Variants in STAG1 observed in about 807,000 individuals in gnomAD.
STAG1 encodes the protein STAG1 cohesin complex component.
Under a neutral mutation model 170.9 loss-of-function variants are expected in STAG1, and 26 were observed. The observed-to-expected ratio is 0.15, with a 90% confidence interval of 0.11 to 0.21. The LOEUF is 0.21. Among genes scored for constraint, STAG1 ranks in the 10% least tolerant of loss-of-function variants. The probability of loss-of-function intolerance (pLI) is 1.00; values close to 1 mark genes in which losing one functional copy is unlikely to be tolerated. For missense variants in STAG1, 964 were observed against 1,509.5 expected (o/e 0.64, Z 5.99); for synonymous variants, 514 against 497.7 (o/e 1.03, Z -0.44).
At chr3:136,670,401 A>T (rs1941939494) in intron 1 of STAG1, among the ~76,000 whole-genome samples, 1 of 152,230 alleles carries the variant, frequency 6.6e-6, no homozygotes, top group Admixed American at 6.5e-5. Context: ...TTAATTTACC[A>T]CAAAGAAAGT....
intron 10 of STAG1, among the ~76,000 whole-genome samples, 173 bp downstream of exon 10, chr3:136,477,116 A>C (rs113502843): frequency 4.6e-5 from 7 of 152,316 alleles, no homozygotes; most frequent in African/African-American, 1.4e-4. Flanking sequence ...ACCCCTGGGC[A>C]AATGCTTCCA....
chr3:136,584,019 G>A (rs971208379), intron 4 of STAG1, among the ~76,000 whole-genome samples: 1 of 152,134 alleles, frequency 6.6e-6, no homozygotes, highest in Non-Finnish European at 1.5e-5. Flanking sequence ...AACACCAGCT[G>A]GAGAGCCTAT....
intron 27 of STAG1, among the ~76,000 whole-genome samples, chr3:136,358,141 G>A (rs1246342465): frequency 1.3e-5 from 2 of 150,180 alleles, no homozygotes; most frequent in South Asian, 2.1e-4. Context: ...AGGTTGGAGT[G>A]CAGTGGTGCT....
intron 1 of STAG1, chr3:136,736,406 G>A: frequency 1.1e-6 from 1 of 904,768 alleles, no homozygotes; most frequent in Non-Finnish European, 1.8e-6. Flanking sequence ...ACTCTATGTT[G>A]GGGTGGAAGT....
intron 5 of STAG1, among the ~76,000 whole-genome samples, chr3:136,555,105 A>G (rs114554834): frequency 0.096 from 14,251 of 147,726 alleles, 2,203 homozygotes; most frequent in African/African-American, 0.33. Context: ...TTTATAATAT[A>G]TATATTATAA....
At chr3:136,693,632 C>T (rs1192275302) in intron 1 of STAG1, among the ~76,000 whole-genome samples, 1 of 152,040 alleles carries the variant, frequency 6.6e-6, no homozygotes, top group Non-Finnish European at 1.5e-5. Context: ...ACTGGAGGTA[C>T]GTTCACCACT....
chr3:136,370,832 T>G (rs1172319623), intron 23 of STAG1, among the ~76,000 whole-genome samples: 1 of 152,242 alleles, frequency 6.6e-6, no homozygotes, highest in Non-Finnish European at 1.5e-5. Context: ...CGTGTGCGTG[T>G]GTCTTTATAG....
At chr3:136,450,623 A>G (rs753508296) in intron 14 of STAG1, among the ~76,000 whole-genome samples, 4 of 152,222 alleles carry the variant, frequency 2.6e-5, no homozygotes, top group African/African-American at 9.6e-5. Context: ...TTGAGCATTC[A>G]TAGAATCGTT....
In STAG1 at chr3:136,528,502, C is replaced by CGA. The variant is rs796340809; in HGVS notation, c.472-7086_472-7085insTC. On this transcript the variant is annotated intron_variant, in intron 6 of 33. Transcript: ENST00000383202. ...GCAACAGATGTCCCCGCACCCCCCC[C>CGA]CCCAAAAAATCACTAAGTCCTGGAA... 5.0e-3 allele frequency among the ~76,000 whole-genome samples: 721 copies of CGA among 144,428 alleles called. 13 individuals are homozygous for CGA. The highest frequency in any genetic ancestry group is 0.019 in the African/African-American group (686 of 36,846). 94.8% of individuals were successfully genotyped at this position (144,428 alleles called of 152,430 possible).
intron 1 of STAG1, among the ~76,000 whole-genome samples, chr3:136,653,306 T>C (rs556907255): frequency 1.3e-5 from 2 of 151,284 alleles, no homozygotes; most frequent in East Asian, 1.9e-4. Flanking sequence ...AAAAAAGAAC[T>C]AGCAATTGAG....
chr3:136,669,636 G>T (rs1305321051), intron 1 of STAG1, among the ~76,000 whole-genome samples: 2 of 152,160 alleles, frequency 1.3e-5, no homozygotes. Context: ...TGGGATTACA[G>T]GCATGAGCCA....
chr3:136,589,748 T>C (rs1191471741), intron 4 of STAG1, among the ~76,000 whole-genome samples: 7 of 147,006 alleles, frequency 4.8e-5, no homozygotes, highest in Non-Finnish European at 7.5e-5. Context: ...CTAGCCAACA[T>C]AGTGAAACGC....
At chr3:136,737,220 A>C (rs1385048187) in intron 1 of STAG1, 6 of 664,456 alleles carry the variant, frequency 9.0e-6, no homozygotes, top group Non-Finnish European at 8.4e-6. Flanking sequence ...TCTCTCCTGA[A>C]GCCGCCACTT....
chr3:136,550,021 T>C (rs938473388), intron 5 of STAG1, among the ~76,000 whole-genome samples: 1 of 152,196 alleles, frequency 6.6e-6, no homozygotes, highest in African/African-American at 2.4e-5. Flanking sequence ...ATTTGGTTGC[T>C]AGTCTTTTGT....
chr3:136,421,351 T>G (rs1559791158), intron 19 of STAG1, among the ~76,000 whole-genome samples, 188 bp from the exon 20 acceptor site: 2 of 152,168 alleles, frequency 1.3e-5, no homozygotes, highest in South Asian at 2.1e-4. Flanking sequence ...TTTCTGCATT[T>G]TAAATAATGT....
rs76877663 is a variant in STAG1, at chr3:136,475,772, A to G, written c.1026+1517T>C. ...GGAGCAGAGCAAATAGTAACTGTAA[A>G]AACTGTGAAGTTAAGTGGCTATTGC... On this transcript the variant is annotated intron_variant, in intron 10 of 33. Transcript: ENST00000383202. Among the ~76,000 whole-genome samples the G allele has an allele frequency of 1.4e-4, 22 of 152,322 alleles. No individual in the cohort carries two copies. The East Asian group carries it at 2.1e-3, about 15-fold the overall frequency.
chr3:136,656,487 C>T (rs752663637), intron 1 of STAG1, among the ~76,000 whole-genome samples: 6 of 151,302 alleles, frequency 4.0e-5, no homozygotes, highest in Non-Finnish European at 8.8e-5. Flanking sequence ...GGGGTAGAAA[C>T]GGTGGTGGCA....
intron 1 of STAG1, among the ~76,000 whole-genome samples, chr3:136,738,114 A>G (rs559365953): frequency 6.6e-6 from 1 of 152,284 alleles, no homozygotes; most frequent in South Asian, 2.1e-4. Flanking sequence ...AAAATGCTCA[A>G]TTCATAGAAG....
At chr3:136,503,036 A>T (rs1933563237) in intron 7 of STAG1, among the ~76,000 whole-genome samples, 1 of 152,160 alleles carries the variant, frequency 6.6e-6, no homozygotes. Flanking sequence ...AGAAGAAAGG[A>T]TTTCAGTTCT....
Sources: allele counts gnomAD v4.1 joint callset (sites outside exome capture counted in the v4.1 genomes callset), GRCh38; gene constraint gnomAD v4.1.1; transcripts MANE v1.5; gene names NCBI Gene and HGNC (gene_info 2026-07-23, HGNC 2026-07-21).